MACROD2: variants seen among roughly 807,000 people sequenced by gnomAD.
MACROD2 encodes the protein mono-ADP ribosylhydrolase 2.
In MACROD2, 36 loss-of-function variants were observed where a neutral mutation model predicts 70.4. That is an observed-to-expected ratio of 0.51 (90% CI 0.39 to 0.68). The LOEUF (loss-of-function observed/expected upper bound fraction) is 0.68, where lower values mean the gene tolerates loss of function less well. Ranked by LOEUF, MACROD2 falls within the 30% of genes least tolerant of loss-of-function variation. The probability of loss-of-function intolerance (pLI) is 0.00; values close to 1 mark genes in which losing one functional copy is unlikely to be tolerated. For synonymous variants in MACROD2, 172 were observed against 178.8 expected (o/e 0.96, Z 0.30); for missense variants, 496 against 538.4 (o/e 0.92, Z 0.78).
chr20:14,944,562 C>A (rs767096142), intron 5 of MACROD2, among the ~76,000 whole-genome samples: 8 of 152,130 alleles, frequency 5.3e-5, no homozygotes, highest in Non-Finnish European at 1.0e-4. Context: ...AAGGAGAAAC[C>A]AAGAAGCACA....
At chr20:15,415,221 T>A (rs1031650607) in intron 6 of MACROD2, among the ~76,000 whole-genome samples, 1 of 152,188 alleles carries the variant, frequency 6.6e-6, no homozygotes. Flanking sequence ...GAGCTAGAGA[T>A]CCCATGAAGA....
chr20:14,637,624 G>T (rs936539326), intron 4 of MACROD2, among the ~76,000 whole-genome samples: 1 of 152,088 alleles, frequency 6.6e-6, no homozygotes, highest in South Asian at 2.1e-4. Flanking sequence ...CCAATCCCCT[G>T]TTGCTCACAT....
chr20:15,049,328 G>C (rs1162797815), intron 5 of MACROD2, among the ~76,000 whole-genome samples: 1 of 151,266 alleles, frequency 6.6e-6, no homozygotes, highest in Non-Finnish European at 1.5e-5. Flanking sequence ...GGGAGAGGAA[G>C]AGAAAAAAGA....
At chr20:14,933,342 A>G (rs903947702) in intron 5 of MACROD2, among the ~76,000 whole-genome samples, 1 of 152,252 alleles carries the variant, frequency 6.6e-6, no homozygotes, top group Non-Finnish European at 1.5e-5. Context: ...TCTGAATCTT[A>G]GCACAGAAAT....
intron 5 of MACROD2, among the ~76,000 whole-genome samples, chr20:14,779,419 G>A (rs566309433): frequency 2.6e-5 from 4 of 152,174 alleles, no homozygotes; most frequent in African/African-American, 9.6e-5. Context: ...CATTTCCTCC[G>A]CTTGCTACTG....
At position 15,659,066 on chromosome 20, in the gene MACROD2, TTGGGAGG is replaced by T. The variant is rs2049777116; in HGVS notation, c.645+159220_645+159226del. ...TATGTAAAATCTAGTCTAATAGGTT[TTGGGAGG>T]ATGGAATATAGTGAGATATAATGTT... On this transcript the variant is annotated intron_variant, in intron 8 of 17. Transcript: ENST00000684519. 7.9e-5 allele frequency among the ~76,000 whole-genome samples: 12 copies of T among 152,288 alleles called. No homozygotes were observed. In the South Asian group the frequency reaches 2.5e-3, roughly 32 times the overall value.
At chr20:14,142,549 G>C (rs1208253484) in intron 3 of MACROD2, among the ~76,000 whole-genome samples, 1 of 152,184 alleles carries the variant, frequency 6.6e-6, no homozygotes, top group African/African-American at 2.4e-5. Context: ...CGAGCTGTAT[G>C]TTGTCAAGCA....
rs192090664 is a variant in MACROD2, at chr20:15,372,558, T to A, written c.541-58847T>A. Among the ~76,000 whole-genome samples, 554 of 152,340 alleles carry A rather than the reference T, an allele frequency of 3.6e-3. 2 individuals carry two copies. Among genetic ancestry groups the A allele is most frequent in the Non-Finnish European group, 6.3e-3 (431 of 68,032 alleles). The stretch of plus-strand genomic sequence containing the variant: ...CATTTTTTTCCCTAGTAGGTTAACA[T>A]CTTTTTCTAGATGCCATGTAGGAGT... On this transcript the variant is annotated intron_variant, in intron 6 of 17. Transcript: ENST00000684519.
In MACROD2 at chr20:13,995,737, C is replaced by T. The variant is rs1241402581; in HGVS notation, c.-27C>T. The T allele has an allele frequency of 6.2e-7, 1 of 1,609,378 alleles. No homozygotes were observed. Among genetic ancestry groups the T allele is most frequent in the Non-Finnish European group, 8.5e-7 (1 of 1,177,352 alleles). On this transcript the variant is annotated 5_prime_UTR_variant, in exon 1 of 18. Transcript: ENST00000684519. The surrounding 1 kb of genome is among the most constrained non-coding windows in gnomAD (Gnocchi z 4.3). ...GCCCGTGAGCCTGGGGAACTTGCAG[C>T]TTAAAGCCAGCCACCCCCACGGCAA...
chr20:14,628,043 A>C (rs1250118774), intron 4 of MACROD2, among the ~76,000 whole-genome samples: 1 of 152,246 alleles, frequency 6.6e-6, no homozygotes, highest in Non-Finnish European at 1.5e-5. Flanking sequence ...CAAAAGCACT[A>C]TCTGATCTGA....
chr20:15,238,200 T>C (rs1361945096), intron 6 of MACROD2, among the ~76,000 whole-genome samples: 1 of 152,198 alleles, frequency 6.6e-6, no homozygotes, highest in Non-Finnish European at 1.5e-5. Flanking sequence ...AGATTTTTAT[T>C]CTTAAAGTTA....
At chr20:14,832,808 T>C (rs535524067) in intron 5 of MACROD2, among the ~76,000 whole-genome samples, 1 of 152,222 alleles carries the variant, frequency 6.6e-6, no homozygotes, top group South Asian at 2.1e-4. Context: ...TGACTTAGCC[T>C]GGGAAGTAGA....
intron 3 of MACROD2, among the ~76,000 whole-genome samples, chr20:14,355,154 T>C (rs1374997244): frequency 2.0e-5 from 3 of 152,214 alleles, no homozygotes; most frequent in Non-Finnish European, 4.4e-5. Flanking sequence ...TGCAGGGTAG[T>C]TCTAAGTTCT....
In MACROD2 at chr20:14,760,718, T is replaced by C. The variant is rs773948351; in HGVS notation, c.418+75759T>C. On this transcript the variant is annotated intron_variant, in intron 5 of 17. Coordinates refer to ENST00000684519, the MANE Select transcript of MACROD2 (RefSeq NM_001351661.2). ...CTATCCCTCCCAGAAAGTGAACATA[T>C]GCCCTTTAATTACTCTGCCTCCATT... Among the ~76,000 whole-genome samples, 8 of 152,096 alleles carry C rather than the reference T, an allele frequency of 5.3e-5. 1 individual carries two copies. Among genetic ancestry groups the C allele is most frequent in the Non-Finnish European group, 8.8e-5 (6 of 68,032 alleles).
At chr20:15,833,773 A>G (rs548438290) in intron 8 of MACROD2, among the ~76,000 whole-genome samples, 11 of 152,314 alleles carry the variant, frequency 7.2e-5, no homozygotes, top group African/African-American at 2.6e-4. Context: ...TACATTTTTA[A>G]TATAAGAAAT....
intron 8 of MACROD2, among the ~76,000 whole-genome samples, chr20:15,587,899 A>C (rs1024733980): frequency 1.3e-5 from 2 of 152,184 alleles, no homozygotes; most frequent in Non-Finnish European, 2.9e-5. Flanking sequence ...GAAAGCTGTC[A>C]GTGGATCTAC....
chr20:15,709,619 A>C (rs1429304991), intron 8 of MACROD2, among the ~76,000 whole-genome samples: 1 of 152,166 alleles, frequency 6.6e-6, no homozygotes, highest in Non-Finnish European at 1.5e-5. Context: ...GTGAGCTATA[A>C]TTGCACCACT....
At chr20:14,218,446 T>C (rs903608449) in intron 3 of MACROD2, among the ~76,000 whole-genome samples, 2 of 152,234 alleles carry the variant, frequency 1.3e-5, no homozygotes, top group Non-Finnish European at 2.9e-5. Flanking sequence ...AGTTGGTTGG[T>C]GAGTTCTTAT....
At chr20:14,833,914 T>C (rs1220124490) in intron 5 of MACROD2, among the ~76,000 whole-genome samples, 2 of 152,090 alleles carry the variant, frequency 1.3e-5, no homozygotes, top group Non-Finnish European at 2.9e-5. Flanking sequence ...CTCTAGTGAT[T>C]CAAAATGTGA....
Sources: allele counts gnomAD v4.1 joint callset (sites outside exome capture counted in the v4.1 genomes callset), GRCh38; gene constraint gnomAD v4.1.1; non-coding constraint Gnocchi (gnomAD v3.1); transcripts MANE v1.5; gene names NCBI Gene and HGNC (gene_info 2026-07-23, HGNC 2026-07-21).